NECAB1: variants seen among roughly 807,000 people sequenced by gnomAD.
NECAB1 encodes N-terminal EF-hand calcium binding protein 1, also known as N-terminal EF-hand calcium-binding protein 1.
In NECAB1, 29 loss-of-function variants were observed where a neutral mutation model predicts 57.5. The ratio of observed to expected loss-of-function variants is 0.50; its 90% CI spans 0.38 to 0.69. The LOEUF (loss-of-function observed/expected upper bound fraction) is 0.69. Ranked by LOEUF, NECAB1 falls within the 30% of genes least tolerant of loss-of-function variation. The pLI is 0.00. For missense variants in NECAB1, 372 were observed against 413.8 expected (o/e 0.90, Z 0.88); for synonymous variants, 142 against 147.7 (o/e 0.96, Z 0.28).
chr8:90,794,439 G>A (rs184287448), intron 1 of NECAB1, among the ~76,000 whole-genome samples: 1 of 152,078 alleles, frequency 6.6e-6, no homozygotes, highest in Non-Finnish European at 1.5e-5. Flanking sequence ...TGTGTCTTCT[G>A]TATCAAACAG....
chr8:90,913,265 G>A (rs1809871269), intron 5 of NECAB1, among the ~76,000 whole-genome samples: 1 of 152,168 alleles, frequency 6.6e-6, no homozygotes. Context: ...CAAAGGAAAT[G>A]TGTAGATTGA....
intron 2 of NECAB1, among the ~76,000 whole-genome samples, chr8:90,817,158 C>T (rs948577924): frequency 1.3e-5 from 2 of 151,660 alleles, no homozygotes; most frequent in African/African-American, 2.4e-5. Context: ...AACCTTGTAT[C>T]GTATGACTTT....
chr8:90,918,103 G>C (rs1206019336), intron 6 of NECAB1, among the ~76,000 whole-genome samples: 1 of 150,080 alleles, frequency 6.7e-6, no homozygotes, highest in Non-Finnish European at 1.5e-5. Context: ...TCTGCCTCCC[G>C]GGTTCAAGCA....
intron 3 of NECAB1, among the ~76,000 whole-genome samples, chr8:90,866,242 G>A (rs943200317): frequency 2.6e-5 from 4 of 152,148 alleles, no homozygotes; most frequent in African/African-American, 9.7e-5. Context: ...TTGTAAAATG[G>A]AAAACACAAT....
intron 4 of NECAB1, among the ~76,000 whole-genome samples, chr8:90,879,038 TTTA>T (rs926484599): frequency 1.3e-4 from 18 of 143,126 alleles, no homozygotes; most frequent in African/African-American, 4.1e-4. Flanking sequence ...ATATTTATTA[TTTA>T]TTATTTATAT....
chr8:90,793,317 C>G (rs1811607547), intron 1 of NECAB1, among the ~76,000 whole-genome samples: 1 of 152,174 alleles, frequency 6.6e-6, no homozygotes, highest in Admixed American at 6.5e-5. Flanking sequence ...ACTGTGTGTA[C>G]TGGCAGCCTT....
intron 8 of NECAB1, among the ~76,000 whole-genome samples, chr8:90,931,664 G>A (rs1810408341): frequency 6.6e-6 from 1 of 152,140 alleles, no homozygotes; most frequent in Non-Finnish European, 1.5e-5. Flanking sequence ...GGCACTTTGG[G>A]AGGCTGAGGC....
intron 7 of NECAB1, among the ~76,000 whole-genome samples, chr8:90,927,079 C>T (rs933040233): frequency 6.6e-6 from 1 of 152,012 alleles, no homozygotes; most frequent in Admixed American, 6.6e-5. Flanking sequence ...TCTGATGTGA[C>T]AGCCACCTTA....
intron 3 of NECAB1, among the ~76,000 whole-genome samples, chr8:90,831,741 C>T (rs555422269): frequency 1.3e-5 from 2 of 152,202 alleles, no homozygotes; most frequent in East Asian, 3.9e-4. Context: ...CTTGACAGCT[C>T]TTTGTATTTT....
At chr8:90,804,015 C>T (rs752462243) in intron 2 of NECAB1, among the ~76,000 whole-genome samples, 1 of 152,120 alleles carries the variant, frequency 6.6e-6, no homozygotes, top group Admixed American at 6.6e-5. Context: ...TGATTATTGT[C>T]CTTAAGGTGG....
intron 2 of NECAB1, among the ~76,000 whole-genome samples, chr8:90,812,316 CG>C (rs1223136257): frequency 3.9e-5 from 6 of 152,168 alleles, no homozygotes; most frequent in African/African-American, 1.4e-4. Context: ...AATATTCCTC[CG>C]ACACGTTTCA....
intron 3 of NECAB1, among the ~76,000 whole-genome samples, chr8:90,852,576 G>A (rs1326303389): frequency 6.6e-6 from 1 of 152,022 alleles, no homozygotes; most frequent in African/African-American, 2.4e-5. Context: ...ACCACCCATG[G>A]CCCACCCTGC....
chr8:90,951,234 T>G (rs779471886), intron 12 of NECAB1, 30 bp downstream of exon 12: 74 of 1,328,972 alleles, frequency 5.6e-5, no homozygotes, highest in Non-Finnish European at 6.5e-5. Flanking sequence ...AATGCTTCTG[T>G]GTCCTTTTGT....
At chr8:90,805,394 G>T (rs2129653130) in intron 2 of NECAB1, among the ~76,000 whole-genome samples, 1 of 127,814 alleles carries the variant, frequency 7.8e-6, no homozygotes, top group Admixed American at 9.2e-5. Context: ...TTAGCTTTTG[G>T]AATCTATCTG....
At chr8:90,845,067 G>C (rs573488337) in intron 3 of NECAB1, among the ~76,000 whole-genome samples, 1 of 152,246 alleles carries the variant, frequency 6.6e-6, no homozygotes, top group South Asian at 2.1e-4. Context: ...TGTTGCTAAT[G>C]GAAGGTCAGT....
chr8:90,823,538 G>T (rs1333371171), intron 2 of NECAB1, among the ~76,000 whole-genome samples: 1 of 151,710 alleles, frequency 6.6e-6, no homozygotes, highest in Admixed American at 6.6e-5. Context: ...CGCTTGTGGG[G>T]CCTAGGAATC....
chr8:90,951,858 A>C (rs1218316742), intron 12 of NECAB1, among the ~76,000 whole-genome samples: 1 of 152,194 alleles, frequency 6.6e-6, no homozygotes, highest in Non-Finnish European at 1.5e-5. Context: ...CTTCTTTAAT[A>C]GTTTTTAAGA....
At chr8:90,838,156 A>G (rs1812400728) in intron 3 of NECAB1, among the ~76,000 whole-genome samples, 1 of 152,210 alleles carries the variant, frequency 6.6e-6, no homozygotes, top group East Asian at 1.9e-4. Context: ...GATTGAAACT[A>G]TTCACTAGAG....
At chr8:90,853,161 G>T (rs555735549) in intron 3 of NECAB1, among the ~76,000 whole-genome samples, 91 of 152,358 alleles carry the variant, frequency 6.0e-4, no homozygotes, top group Middle Eastern at 6.8e-3. Flanking sequence ...CCGCTCACCT[G>T]CATGCTGCCT....
Sources: allele counts gnomAD v4.1 joint callset (sites outside exome capture counted in the v4.1 genomes callset), GRCh38; gene constraint gnomAD v4.1.1; transcripts MANE v1.5; gene names NCBI Gene and HGNC (gene_info 2026-07-23, HGNC 2026-07-21).